ZNF804B: variants seen among roughly 807,000 people sequenced by gnomAD.
The protein encoded by ZNF804B is zinc finger 804B.
A neutral mutation model predicts 101.4 loss-of-function variants in ZNF804B; 80 were observed. The ratio of observed to expected loss-of-function variants is 0.79; its 90% CI spans 0.66 to 0.95. ZNF804B has a LOEUF of 0.95. Among genes scored for constraint, ZNF804B ranks in the 40% least tolerant of loss-of-function variants. The pLI, the probability that ZNF804B is intolerant of heterozygous loss-of-function variation, is 0.00. For missense variants in ZNF804B, 1,673 were observed against 1,561.9 expected (o/e 1.07, Z -1.20); for synonymous variants, 622 against 558.8 (o/e 1.11, Z -1.59).
intron 1 of ZNF804B, among the ~76,000 whole-genome samples, chr7:88,977,989 A>C (rs1307602542): frequency 6.6e-6 from 1 of 151,480 alleles, no homozygotes; most frequent in Non-Finnish European, 1.5e-5. Context: ...TCGTTGACTC[A>C]GTTGTCATTC....
At chr7:89,061,216 T>C (rs1295631434) in intron 1 of ZNF804B, among the ~76,000 whole-genome samples, 4 of 152,176 alleles carry the variant, frequency 2.6e-5, no homozygotes, top group Admixed American at 2.0e-4. Flanking sequence ...CTGTTGTGTT[T>C]GCATATTATT....
chr7:88,957,124 C>T (rs922110971), intron 1 of ZNF804B, among the ~76,000 whole-genome samples: 1 of 151,458 alleles, frequency 6.6e-6, no homozygotes, highest in African/African-American at 2.4e-5. Flanking sequence ...TTAATATTTT[C>T]TGTTTATGAA....
At chr7:89,034,848 C>A (rs1330067643) in intron 1 of ZNF804B, among the ~76,000 whole-genome samples, 7 of 152,246 alleles carry the variant, frequency 4.6e-5, no homozygotes, top group East Asian at 1.9e-4. Flanking sequence ...AATGTTTGAA[C>A]TGATTTACAC....
chr7:88,882,452 A>G (rs1792057651), intron 1 of ZNF804B, among the ~76,000 whole-genome samples: 1 of 152,180 alleles, frequency 6.6e-6, no homozygotes, highest in Non-Finnish European at 1.5e-5. Context: ...GCCACTGTGG[A>G]AAGCAGTTTG....
intron 1 of ZNF804B, among the ~76,000 whole-genome samples, chr7:88,876,921 T>G (rs1791947737): frequency 1.5e-5 from 2 of 136,578 alleles, no homozygotes; most frequent in East Asian, 4.4e-4. Context: ...AAATAAGTAA[T>G]AAAGACAAAC....
At chr7:89,015,633 A>G (rs1241263444) in intron 1 of ZNF804B, among the ~76,000 whole-genome samples, 16 of 151,984 alleles carry the variant, frequency 1.1e-4, no homozygotes, top group Admixed American at 1.0e-3. Context: ...GATGATTTCC[A>G]ATTTCATCCA....
intron 1 of ZNF804B, among the ~76,000 whole-genome samples, chr7:89,200,461 C>G (rs1788615949): frequency 1.3e-5 from 2 of 151,922 alleles, no homozygotes; most frequent in South Asian, 4.1e-4. Flanking sequence ...TACTTAGACT[C>G]CTGAAAAATG....
At chr7:88,919,348 A>G (rs192062899) in intron 1 of ZNF804B, among the ~76,000 whole-genome samples, 4 of 152,292 alleles carry the variant, frequency 2.6e-5, no homozygotes, top group Admixed American at 6.5e-5. Flanking sequence ...AGAAGTTTTA[A>G]TGATTCATGA....
chr7:89,054,479 T>G (rs115869359), intron 1 of ZNF804B, among the ~76,000 whole-genome samples: 2,093 of 152,016 alleles, frequency 0.014, 60 homozygotes, highest in African/African-American at 0.047. Context: ...ATACATTTTC[T>G]TTTAAAGATT....
Position 89,219,568 on chromosome 7 carries a change from T to A in ZNF804B, c.249+1273T>A, listed in dbSNP as rs73705780. Among the ~76,000 whole-genome samples the A allele has an allele frequency of 4.8e-3, 727 of 151,756 alleles. 18 individuals carry two copies. The highest frequency in any genetic ancestry group is 0.017 in the African/African-American group (681 of 41,160). On this transcript the variant is annotated intron_variant, in intron 2 of 3. Coordinates refer to ENST00000333190, the MANE Select transcript of ZNF804B (RefSeq NM_181646.5). ...GTGAAGGAAGAGGCTATTGTTCTCA[T>A]CTGGTTAGATGTTATCCTTGCTGAT...
rs992473731 is a variant in ZNF804B at position 89,016,901 on chromosome 7, G to A, written c.109-201254G>A. Among the ~76,000 whole-genome samples, 66 of 152,132 alleles carry A rather than the reference G, an allele frequency of 4.3e-4. 1 individual carries two copies. The highest frequency in any genetic ancestry group is 8.8e-5 in the Non-Finnish European group (6 of 68,024). Reference sequence around the variant, plus strand: ...AGTCATTGGTAGCTTGATGGGGATGGCATTGAATCTATAAATTACCTTGGC... The same window carrying A: ...AGTCATTGGTAGCTTGATGGGGATGACATTGAATCTATAAATTACCTTGGC... On this transcript the variant is annotated intron_variant, in intron 1 of 3. Coordinates refer to ENST00000333190, the MANE Select transcript of ZNF804B (RefSeq NM_181646.5).
intron 1 of ZNF804B, among the ~76,000 whole-genome samples, chr7:88,862,257 A>C (rs187191481): frequency 1.8e-4 from 27 of 152,168 alleles, no homozygotes; most frequent in African/African-American, 6.5e-4. Flanking sequence ...AATTTGGGGG[A>C]AAAAACCCTC....
At chr7:89,220,566 C>G (rs75995217) in intron 2 of ZNF804B, among the ~76,000 whole-genome samples, 1,652 of 151,980 alleles carry the variant, frequency 0.011, 44 homozygotes, top group East Asian at 0.092. Flanking sequence ...ACCATTGTTA[C>G]ATTATTTTGA....
chr7:89,272,816 A>G (rs543206935), intron 2 of ZNF804B, among the ~76,000 whole-genome samples: 1 of 152,226 alleles, frequency 6.6e-6, no homozygotes, highest in South Asian at 2.1e-4. Context: ...GGAAAACAAA[A>G]CAAGCGTTTA....
intron 2 of ZNF804B, among the ~76,000 whole-genome samples, chr7:89,260,732 A>G (rs1256734501): frequency 6.6e-6 from 1 of 152,196 alleles, no homozygotes; most frequent in Non-Finnish European, 1.5e-5. Context: ...TATAACTGCA[A>G]TGACAACTTC....
In ZNF804B at chr7:88,778,041, G is replaced by GA. The variant is rs559200880; in HGVS notation, c.108+17964dup. 2.6e-5 allele frequency among the ~76,000 whole-genome samples: 4 copies of GA among 152,042 alleles called. No individual in the cohort carries two copies. The South Asian group carries it at 6.2e-4, about 24-fold the overall frequency. ...TGTAATGAACTACCACACATTTAGTGAAAAAAATAACATAAGTTTATTATT... is the reference window on the plus strand; with the variant it reads ...TGTAATGAACTACCACACATTTAGTGAAAAAAAATAACATAAGTTTATTATT... On this transcript the variant is annotated intron_variant, in intron 1 of 3. Transcript: ENST00000333190.
At chr7:89,056,896 C>G (rs532681871) in intron 1 of ZNF804B, among the ~76,000 whole-genome samples, 1 of 152,148 alleles carries the variant, frequency 6.6e-6, no homozygotes, top group South Asian at 2.1e-4. Flanking sequence ...GGGAAGAAAC[C>G]TCAAATCTAT....
At chr7:88,987,546 G>A (rs1793775662) in intron 1 of ZNF804B, among the ~76,000 whole-genome samples, 1 of 151,934 alleles carries the variant, frequency 6.6e-6, no homozygotes, top group African/African-American at 2.4e-5. Context: ...ATTTCTTTAA[G>A]TATAGGCAGG....
intron 2 of ZNF804B, among the ~76,000 whole-genome samples, chr7:89,313,247 C>T (rs1790669799): frequency 1.3e-5 from 2 of 152,120 alleles, no homozygotes; most frequent in Admixed American, 1.3e-4. Context: ...GTTTCTTCAT[C>T]TTTAAAATTA....
Sources: gnomAD v4.1 joint callset for allele counts (sites outside exome capture counted in the v4.1 genomes callset) on GRCh38, gnomAD v4.1.1 for gene constraint, MANE v1.5 for transcripts, NCBI Gene and HGNC (gene_info 2026-07-23, HGNC 2026-07-21) for gene names.